The following DENND1A variants were observed in gnomAD, a reference collection of about 807,000 sequenced individuals.
DENND1A encodes DENN domain-containing protein 1A.
DENND1A carries 51 observed loss-of-function variants against 113.7 expected under a neutral mutation model. The ratio of observed to expected loss-of-function variants is 0.45; its 90% CI spans 0.36 to 0.57. The LOEUF (loss-of-function observed/expected upper bound fraction) is 0.57. DENND1A is among the 20% of genes least tolerant of loss of function. The pLI, the probability that DENND1A is intolerant of heterozygous loss-of-function variation, is 0.00. For synonymous variants in DENND1A, 565 were observed against 570.8 expected, an observed-to-expected ratio of 0.99 and a Z score of 0.14; for missense variants, 1,258 against 1,395.9, an observed-to-expected ratio of 0.90 and a Z score of 1.57.
At chr9:123,883,597 GA>G (rs1196602189) in intron 1 of DENND1A, among the ~76,000 whole-genome samples, 41 of 152,248 alleles carry the variant, frequency 2.7e-4, no homozygotes, top group Non-Finnish European at 4.7e-4. Context: ...CAGTTAAGTA[GA>G]ATTCTTCCAG....
chr9:123,868,324 T>C (rs625660), intron 2 of DENND1A, among the ~76,000 whole-genome samples: 13,280 of 152,292 alleles, frequency 0.087, 980 homozygotes, highest in African/African-American at 0.2. Flanking sequence ...GTCTAGTTAC[T>C]TTTACTTTCT....
intron 7 of DENND1A, among the ~76,000 whole-genome samples, chr9:123,669,803 A>G (rs1434865772): frequency 6.6e-6 from 1 of 152,176 alleles, no homozygotes; most frequent in Non-Finnish European, 1.5e-5. Flanking sequence ...TTTTGTAACA[A>G]GGTTTCTTTC....
At position 123,651,241 on chromosome 9, in the gene DENND1A, G is replaced by T. The variant is rs541882095; in HGVS notation, c.618+772C>A. 2.0e-3 allele frequency among the ~76,000 whole-genome samples: 299 copies of T among 151,954 alleles called. 1 individual carries two copies. Among genetic ancestry groups the T allele is most frequent in the African/African-American group, 6.8e-3 (283 of 41,468 alleles). The stretch of plus-strand genomic sequence containing the variant: ...GACACCTATAAAATAAATGTGAAAG[G>T]ATATTAACAAAATACAAATAAAAAA... On this transcript the variant is annotated intron_variant, in intron 9 of 23. Coordinates refer to ENST00000394215, the MANE Select transcript of DENND1A (RefSeq NM_001352964.2).
intron 15 of DENND1A, among the ~76,000 whole-genome samples, chr9:123,457,133 G>T (rs1306150272): frequency 1.3e-5 from 2 of 152,198 alleles, no homozygotes; most frequent in African/African-American, 4.8e-5. Flanking sequence ...CTACACAGGG[G>T]AAGCAACTGA....
At chr9:123,413,248 A>C (rs906838310) in intron 19 of DENND1A, 2 of 306,792 alleles carry the variant, frequency 6.5e-6, no homozygotes, top group African/African-American at 4.5e-5. Flanking sequence ...GGCACGAGGA[A>C]AGAATGTCAG....
chr9:123,420,446 G>A (rs778911025), intron 19 of DENND1A, among the ~76,000 whole-genome samples: 2 of 152,154 alleles, frequency 1.3e-5, no homozygotes, highest in Non-Finnish European at 1.5e-5. Context: ...GCTCAGGATC[G>A]AAGGGGGTCC....
At chr9:123,535,665 T>C (rs935986993) in intron 13 of DENND1A, among the ~76,000 whole-genome samples, 2 of 152,226 alleles carry the variant, frequency 1.3e-5, no homozygotes, top group Non-Finnish European at 2.9e-5. Context: ...AGATCCCAGC[T>C]ATTTGAATGC....
intron 19 of DENND1A, among the ~76,000 whole-genome samples, chr9:123,436,609 T>C (rs2046538048): frequency 6.6e-6 from 1 of 152,236 alleles, no homozygotes; most frequent in African/African-American, 2.4e-5. Context: ...GTTGACACTT[T>C]TGAATTCTTA....
rs367977632 is a variant in DENND1A, at chr9:123,583,148, C to T, written c.867+21G>A. On this transcript the variant is annotated intron_variant, in intron 12 of 23. Transcript: ENST00000394215. Reference sequence around the variant, plus strand: ...TTGCAGGAGCTCACAGAAGTGAGATCCTCGCAAGCTCATTACCTACCACGT... The same window carrying T: ...TTGCAGGAGCTCACAGAAGTGAGATTCTCGCAAGCTCATTACCTACCACGT... 14 of 1,567,728 alleles carry T rather than the reference C, an allele frequency of 8.9e-6. No homozygotes were observed. The African/African-American group carries it at 1.2e-4, about 14-fold the overall frequency.
intron 1 of DENND1A, among the ~76,000 whole-genome samples, chr9:123,907,323 A>G (rs896154133): frequency 2.0e-5 from 3 of 149,374 alleles, no homozygotes; most frequent in Admixed American, 6.7e-5. Context: ...CTCTCTCACC[A>G]CTCCTATTCA....
chr9:123,468,412 C>A (rs986635927), intron 13 of DENND1A, among the ~76,000 whole-genome samples: 2 of 152,218 alleles, frequency 1.3e-5, no homozygotes, highest in Non-Finnish European at 2.9e-5. Context: ...AGGCGGACAA[C>A]CCCTGGTACA....
At chr9:123,568,140 T>C (rs1589166112) in intron 12 of DENND1A, among the ~76,000 whole-genome samples, 1 of 152,206 alleles carries the variant, frequency 6.6e-6, no homozygotes, top group African/African-American at 2.4e-5. Context: ...TCTTGATTGA[T>C]CAATGGATGA....
intron 11 of DENND1A, 61 bp from the exon 12 acceptor site, chr9:123,583,331 C>A (rs2059012804): frequency 3.2e-6 from 4 of 1,255,576 alleles, no homozygotes; most frequent in African/African-American, 3.0e-5. Context: ...ACACACTTCC[C>A]CTGCCTTCTC....
At chr9:123,507,551 CA>C (rs1285969806) in intron 13 of DENND1A, among the ~76,000 whole-genome samples, 1 of 151,908 alleles carries the variant, frequency 6.6e-6, no homozygotes, top group Non-Finnish European at 1.5e-5. Flanking sequence ...AAAATTTTAA[CA>C]TAAGAATTAC....
chr9:123,711,975 C>T (rs2066666163), intron 5 of DENND1A, among the ~76,000 whole-genome samples: 1 of 152,206 alleles, frequency 6.6e-6, no homozygotes, highest in Non-Finnish European at 1.5e-5. Context: ...GCATGTGTCT[C>T]TTTTCCTTTC....
intron 22 of DENND1A, among the ~76,000 whole-genome samples, chr9:123,385,225 C>T (rs1046135825): frequency 1.3e-5 from 2 of 152,134 alleles, no homozygotes; most frequent in Non-Finnish European, 2.9e-5. Context: ...AGTGCAATGG[C>T]GCAGTCTCGG....
At chr9:123,582,758 GGC>G (rs2058976206) in intron 12 of DENND1A, among the ~76,000 whole-genome samples, 1 of 151,162 alleles carries the variant, frequency 6.6e-6, no homozygotes, top group Admixed American at 6.6e-5. Flanking sequence ...GGAGTGCAGT[GGC>G]GCAATCTCAG....
intron 9 of DENND1A, among the ~76,000 whole-genome samples, chr9:123,649,441 G>C (rs757501755): frequency 1.3e-5 from 2 of 152,056 alleles, no homozygotes; most frequent in Admixed American, 6.5e-5. Flanking sequence ...TACAAGTGTC[G>C]CAGGAAAAGT....
intron 9 of DENND1A, among the ~76,000 whole-genome samples, chr9:123,651,706 C>T (rs943193685): frequency 1.3e-5 from 2 of 152,136 alleles, no homozygotes; most frequent in African/African-American, 4.8e-5. Flanking sequence ...TAATGACACA[C>T]CCGTATCATG....
Sources: gnomAD v4.1 joint callset for allele counts (sites outside exome capture counted in the v4.1 genomes callset) on GRCh38, gnomAD v4.1.1 for gene constraint, MANE v1.5 for transcripts, NCBI Gene and HGNC (gene_info 2026-07-23, HGNC 2026-07-21) for gene names.